The following KCND2 variants were observed in gnomAD, a reference collection of about 807,000 sequenced individuals.
The protein encoded by KCND2 is A-type voltage-gated potassium channel KCND2.
A neutral mutation model predicts 54.4 loss-of-function variants in KCND2; 16 were observed. The observed-to-expected ratio is 0.29, with a 90% CI of 0.20 to 0.45. The LOEUF is 0.45. Ranked by LOEUF, KCND2 falls within the 20% of genes least tolerant of loss-of-function variation. The pLI, the probability that KCND2 is intolerant of heterozygous loss-of-function variation, is 1.00. For synonymous variants in KCND2, 317 were observed against 310.7 expected (o/e 1.02, Z -0.21); for missense variants, 486 against 824.2 (o/e 0.59, Z 5.02).
At chr7:120,595,310 G>A (rs997691394) in intron 1 of KCND2, among the ~76,000 whole-genome samples, 2 of 151,288 alleles carry the variant, frequency 1.3e-5, no homozygotes, top group Admixed American at 6.6e-5. Flanking sequence ...AATTAGCCAG[G>A]CGTGGTGGCA....
intron 1 of KCND2, among the ~76,000 whole-genome samples, chr7:120,479,417 T>TAC (rs1491111266): frequency 2.6e-5 from 4 of 150,952 alleles, no homozygotes. Context: ...TTAAAATATT[T>TAC]ATATATATAT....
At chr7:120,324,476 A>G (rs1216608734) in intron 1 of KCND2, among the ~76,000 whole-genome samples, 7 of 148,556 alleles carry the variant, frequency 4.7e-5, no homozygotes, top group African/African-American at 1.7e-4. Context: ...TGATTTTTGT[A>G]TAAGGTGTAA....
chr7:120,445,335 A>T (rs1440831869), intron 1 of KCND2, among the ~76,000 whole-genome samples: 1 of 152,218 alleles, frequency 6.6e-6, no homozygotes, highest in African/African-American at 2.4e-5. Flanking sequence ...GATGGACTAC[A>T]TAGAAATTCA....
intron 1 of KCND2, among the ~76,000 whole-genome samples, chr7:120,679,179 A>G (rs909171846): frequency 1.3e-5 from 2 of 152,002 alleles, no homozygotes; most frequent in African/African-American, 4.8e-5. Context: ...GAAAGAAACA[A>G]TGAAAATGCT....
chr7:120,644,372 T>C (rs575574506), intron 1 of KCND2, among the ~76,000 whole-genome samples: 2 of 152,156 alleles, frequency 1.3e-5, no homozygotes, highest in African/African-American at 2.4e-5. Context: ...ATTTAACAAA[T>C]CTAGAAAGGT....
intron 1 of KCND2, among the ~76,000 whole-genome samples, chr7:120,291,735 C>T (rs1204410129): frequency 6.6e-6 from 1 of 151,674 alleles, no homozygotes; most frequent in East Asian, 1.9e-4. Context: ...AGCCTGGATG[C>T]AGTTAAAAAA....
intron 1 of KCND2, among the ~76,000 whole-genome samples, chr7:120,370,809 T>C (rs1198359595): frequency 6.6e-6 from 1 of 152,092 alleles, no homozygotes; most frequent in Non-Finnish European, 1.5e-5. Flanking sequence ...ACAAAGATTA[T>C]ACCAGAGCTC....
At chr7:120,696,362 A>T (rs1485413439) in intron 1 of KCND2, among the ~76,000 whole-genome samples, 1 of 152,202 alleles carries the variant, frequency 6.6e-6, no homozygotes, top group African/African-American at 2.4e-5. Flanking sequence ...CCCATGGCCA[A>T]TTAGGAGTGT....
intron 1 of KCND2, among the ~76,000 whole-genome samples, chr7:120,344,318 A>T (rs1242873296): frequency 6.6e-6 from 1 of 152,174 alleles, no homozygotes; most frequent in East Asian, 1.9e-4. Context: ...ACATAAAAGA[A>T]CAGATATTGT....
chr7:120,369,804 C>A (rs1289388133), intron 1 of KCND2, among the ~76,000 whole-genome samples: 1 of 151,950 alleles, frequency 6.6e-6, no homozygotes, highest in Non-Finnish European at 1.5e-5. Context: ...CTGTTATGTA[C>A]CAGGCAGTAC....
intron 1 of KCND2, among the ~76,000 whole-genome samples, chr7:120,285,760 T>C (rs1799332588): frequency 6.6e-6 from 1 of 151,954 alleles, no homozygotes; most frequent in Admixed American, 6.6e-5. Context: ...CATTTAAAAT[T>C]GTATTAATTT....
intron 1 of KCND2, among the ~76,000 whole-genome samples, chr7:120,601,856 T>C (rs1184639751): frequency 7.9e-5 from 12 of 152,184 alleles, no homozygotes; most frequent in Non-Finnish European, 1.2e-4. Context: ...TATATAACCC[T>C]TTCTCACCTA....
chr7:120,482,793 T>C (rs1340754971), intron 1 of KCND2, among the ~76,000 whole-genome samples: 2 of 152,156 alleles, frequency 1.3e-5, no homozygotes, highest in Non-Finnish European at 2.9e-5. Context: ...TGTGGCATTC[T>C]GTTATAGCAG....
chr7:120,563,007 T>C (rs555150055), intron 1 of KCND2, among the ~76,000 whole-genome samples: 1 of 152,326 alleles, frequency 6.6e-6, no homozygotes, highest in East Asian at 1.9e-4. Flanking sequence ...CTATCTGCAA[T>C]ACAATTAAAT....
At chr7:120,395,522 G>A (rs1035421335) in intron 1 of KCND2, among the ~76,000 whole-genome samples, 1 of 151,960 alleles carries the variant, frequency 6.6e-6, no homozygotes, top group African/African-American at 2.4e-5. Flanking sequence ...ATAATTCAAG[G>A]GTGATCTGGT....
At chr7:120,737,270 T>A (rs972828615) in intron 2 of KCND2, among the ~76,000 whole-genome samples, 1 of 152,112 alleles carries the variant, frequency 6.6e-6, no homozygotes, top group African/African-American at 2.4e-5. Flanking sequence ...CAAAGATTTT[T>A]ATTTAAGTAG....
chr7:120,711,866 A>G (rs1390952200), intron 1 of KCND2, among the ~76,000 whole-genome samples: 1 of 152,198 alleles, frequency 6.6e-6, no homozygotes, highest in Non-Finnish European at 1.5e-5. Flanking sequence ...TTATTTAAAT[A>G]CTGGGTGATA....
chr7:120,625,673 G>A (rs1004582788), intron 1 of KCND2, among the ~76,000 whole-genome samples: 15 of 152,084 alleles, frequency 9.9e-5, no homozygotes, highest in African/African-American at 3.6e-4. Context: ...ATTAAAATAA[G>A]GTACATACAT....
chr7:120,365,009 A>T (rs1332025309), intron 1 of KCND2, among the ~76,000 whole-genome samples: 1 of 152,074 alleles, frequency 6.6e-6, no homozygotes, highest in Non-Finnish European at 1.5e-5. Context: ...ATGTTAAAAT[A>T]CAAAATTGAT....
Sources: allele counts gnomAD v4.1 joint callset (sites outside exome capture counted in the v4.1 genomes callset), GRCh38; gene constraint gnomAD v4.1.1; transcripts MANE v1.5; gene names NCBI Gene and HGNC (gene_info 2026-07-23, HGNC 2026-07-21).